RHPN2: variants seen among roughly 807,000 people sequenced by gnomAD.
RHPN2 encodes rhophilin Rho GTPase binding protein 2, also known as rhophilin-2.
A neutral mutation model predicts 79.0 loss-of-function variants in RHPN2; 40 were observed. That is an observed-to-expected ratio of 0.51 (90% CI 0.39 to 0.66). The LOEUF (loss-of-function observed/expected upper bound fraction) is 0.66, where lower values mean the gene tolerates loss of function less well. Ranked by LOEUF, RHPN2 falls within the 30% of genes least tolerant of loss-of-function variation. The pLI, the probability that RHPN2 is intolerant of heterozygous loss-of-function variation, is 0.00. For synonymous variants in RHPN2, 285 were observed against 363.5 expected (o/e 0.78, Z 2.46); for missense variants, 686 against 883.5 (o/e 0.78, Z 2.83).
chr19:33,006,533 T>TCA (rs1377037125), intron 7 of RHPN2, among the ~76,000 whole-genome samples: 2 of 152,106 alleles, frequency 1.3e-5, no homozygotes, highest in Non-Finnish European at 2.9e-5. Context: ...TGGAAGGGGA[T>TCA]CACACCCCAA....
In RHPN2 at chr19:33,042,200, A is replaced by AAAG. The variant is rs1555714224; in HGVS notation, c.185+2048_185+2049insCTT. Among the ~76,000 whole-genome samples the AAAG allele has an allele frequency of 1.3e-4, 20 of 151,410 alleles. No individual in the cohort carries two copies. In the South Asian group the frequency reaches 2.1e-3, roughly 16 times the overall value. The stretch of plus-strand genomic sequence containing the variant: ...GTGAAACTCCATCTCAAAAAAAAAA[A>AAAG]AAAGGTGCTCAATGAATCCATGAAT... On this transcript the variant is annotated intron_variant, in intron 2 of 14. Transcript: ENST00000254260.
intron 4 of RHPN2, among the ~76,000 whole-genome samples, chr19:33,019,409 G>A (rs1240419209): frequency 6.6e-5 from 10 of 151,890 alleles, no homozygotes; most frequent in African/African-American, 1.2e-4. Context: ...GAGAAACCCC[G>A]TCTCTGCTAA....
intron 1 of RHPN2, among the ~76,000 whole-genome samples, chr19:33,060,104 T>C (rs765601739): frequency 6.6e-6 from 1 of 152,196 alleles, no homozygotes; most frequent in Non-Finnish European, 1.5e-5. Context: ...TCACCCGCAT[T>C]CATGGATCTT....
Position 32,983,055 on chromosome 19 carries a change from T to TACACACACACACACACACACACAC in RHPN2, c.1801-2823_1801-2800dup, listed in dbSNP as rs57230466. Among the ~76,000 whole-genome samples the TACACACACACACACACACACACAC allele has an allele frequency of 5.4e-4, 56 of 103,428 alleles. 2 individuals are homozygous for TACACACACACACACACACACACAC. Among genetic ancestry groups the TACACACACACACACACACACACAC allele is most frequent in the Non-Finnish European group, 7.8e-4 (40 of 51,612 alleles). 67.9% of individuals were successfully genotyped at this position (103,428 alleles called of 152,430 possible). A position where few individuals can be genotyped will look rare whatever the true frequency, so the allele number is the denominator to read the frequency against. On this transcript the variant is annotated intron_variant, in intron 14 of 14. Transcript: ENST00000254260. ...CAGGCACCCTTGCCTCCCAGATCTC[T>TACACACACACACACACACACACAC]ACACACACACACACACACACACACA...
chr19:33,064,477 G>T (rs1307047393), intron 1 of RHPN2, among the ~76,000 whole-genome samples: 2 of 152,082 alleles, frequency 1.3e-5, no homozygotes, highest in Admixed American at 1.3e-4. Flanking sequence ...AGCGAGGGGT[G>T]GCGGGGGGTG....
chr19:32,980,576 A>C (rs1971566364), intron 14 of RHPN2, among the ~76,000 whole-genome samples: 1 of 152,148 alleles, frequency 6.6e-6, no homozygotes, highest in Non-Finnish European at 1.5e-5. Context: ...CTGCACTCCA[A>C]CCTGGGTGAC....
chr19:32,998,614 T>C (rs1971722169), intron 10 of RHPN2, among the ~76,000 whole-genome samples: 1 of 151,462 alleles, frequency 6.6e-6, no homozygotes, highest in African/African-American at 2.4e-5. Flanking sequence ...ACTACTGCAC[T>C]GCAGCCTGGG....
At chr19:33,048,416 T>A (rs541446690) in intron 1 of RHPN2, among the ~76,000 whole-genome samples, 76 of 151,868 alleles carry the variant, frequency 5.0e-4, no homozygotes, top group Non-Finnish European at 9.1e-4. Context: ...ATTTTGTCTT[T>A]CTTCAGATTT....
intron 14 of RHPN2, among the ~76,000 whole-genome samples, chr19:32,988,235 A>AAAC (rs996034669): frequency 6.6e-6 from 1 of 151,922 alleles, no homozygotes; most frequent in Non-Finnish European, 1.5e-5. Flanking sequence ...AAAACAAACA[A>AAAC]AACAACAACA....
At chr19:32,997,992 G>A (rs764782822) in intron 10 of RHPN2, among the ~76,000 whole-genome samples, 3 of 152,204 alleles carry the variant, frequency 2.0e-5, no homozygotes, top group South Asian at 2.1e-4. Context: ...GACCTCACGC[G>A]TGTGAGATGA....
At chr19:33,005,023 C>G (rs62127399) in intron 7 of RHPN2, among the ~76,000 whole-genome samples, 126,168 of 150,928 alleles carry the variant, frequency 0.84, 53,498 homozygotes, top group East Asian at 1. Flanking sequence ...TGCAAGCAGA[C>G]GGCAGGCAGA....
intron 1 of RHPN2, among the ~76,000 whole-genome samples, chr19:33,062,536 A>G (rs1294528218): frequency 6.6e-6 from 1 of 150,864 alleles, no homozygotes; most frequent in Non-Finnish European, 1.5e-5. Flanking sequence ...TTGGAAGGCC[A>G]TGGCAGGTGG....
At chr19:32,982,346 G>C (rs531307820) in intron 14 of RHPN2, among the ~76,000 whole-genome samples, 8 of 152,050 alleles carry the variant, frequency 5.3e-5, no homozygotes, top group Non-Finnish European at 8.8e-5. Context: ...GGCGGAGGTT[G>C]CAGTGAGCCC....
chr19:33,042,766 T>C (rs78372061), intron 2 of RHPN2, among the ~76,000 whole-genome samples: 24,449 of 151,784 alleles, frequency 0.16, 2,478 homozygotes, highest in East Asian at 0.31. Context: ...ACCCTGTCTC[T>C]ACAAATAATT....
intron 9 of RHPN2, among the ~76,000 whole-genome samples, 172 bp from the exon 10 acceptor site, chr19:32,999,877 G>T (rs1209203647): frequency 6.6e-6 from 1 of 152,020 alleles, no homozygotes; most frequent in Non-Finnish European, 1.5e-5. Flanking sequence ...AACCCTCAAG[G>T]TTTTCTTTTC....
chr19:32,983,055 T>TACACACACACACACACAC (rs57230466), intron 14 of RHPN2, among the ~76,000 whole-genome samples: 1,339 of 103,226 alleles, frequency 0.013, 48 homozygotes, highest in Non-Finnish European at 0.018. Context: ...CCCAGATCTC[T>TACACACACACACACACAC]ACACACACAC....
intron 2 of RHPN2, among the ~76,000 whole-genome samples, chr19:33,034,422 A>G (rs376918045): frequency 2.6e-5 from 4 of 151,782 alleles, no homozygotes; most frequent in Non-Finnish European, 5.9e-5. Flanking sequence ...TGGCTAACAC[A>G]GTGAAACCCT....
chr19:33,031,251 T>TTCTAC (rs1215280997), intron 2 of RHPN2, among the ~76,000 whole-genome samples: 6 of 132,588 alleles, frequency 4.5e-5, no homozygotes, highest in Non-Finnish European at 6.7e-5. Flanking sequence ...TTCTATTCTA[T>TTCTAC]TCTACTCTAT....
intron 12 of RHPN2, among the ~76,000 whole-genome samples, chr19:32,993,146 A>T (rs1427776228): frequency 1.3e-5 from 2 of 151,964 alleles, no homozygotes; most frequent in Non-Finnish European, 2.9e-5. Flanking sequence ...TTTTTAAAAA[A>T]TTTTAAATAG....
Sources: gnomAD v4.1 joint callset for allele counts (sites outside exome capture counted in the v4.1 genomes callset) on GRCh38, gnomAD v4.1.1 for gene constraint, MANE v1.5 for transcripts, NCBI Gene and HGNC (gene_info 2026-07-23, HGNC 2026-07-21) for gene names.